The following PTPRO variants were observed in gnomAD, a reference collection of about 807,000 sequenced individuals.
The protein encoded by PTPRO is protein tyrosine phosphatase receptor type O.
PTPRO carries 62 observed loss-of-function variants against 145.2 expected under a neutral mutation model. That is an observed-to-expected ratio of 0.43 (90% CI 0.35 to 0.53). The LOEUF (loss-of-function observed/expected upper bound fraction) is 0.53, where lower values mean the gene tolerates loss of function less well. Among genes scored for constraint, PTPRO ranks in the 20% least tolerant of loss-of-function variants. PTPRO has a pLI of 0.01. For synonymous variants in PTPRO, 565 were observed against 514.7 expected, an observed-to-expected ratio of 1.10 and a Z score of -1.32; for missense variants, 1,345 against 1,482.7, an observed-to-expected ratio of 0.91 and a Z score of 1.53.
chr12:15,348,593 C>G (rs933752249), intron 1 of PTPRO: 2 of 152,078 alleles, frequency 1.3e-5, no homozygotes, highest in Non-Finnish European at 2.9e-5. Flanking sequence ...CCCGTCTCTA[C>G]TAAAAACACA....
At chr12:15,328,342 A>G (rs895281463) in intron 1 of PTPRO, among the ~76,000 whole-genome samples, 2 of 152,192 alleles carry the variant, frequency 1.3e-5, no homozygotes, top group Admixed American at 6.5e-5. Context: ...GTCTTTCAGC[A>G]TCTAATTCCC....
intron 23 of PTPRO, 102 bp downstream of exon 23, chr12:15,581,903 G>GAC (rs1376378155): frequency 6.2e-6 from 9 of 1,449,276 alleles, no homozygotes; most frequent in South Asian, 2.4e-5. Context: ...AGGAATTACA[G>GAC]ACACACACAC....
In PTPRO at chr12:15,395,822, C is replaced by CAG. The variant is rs555271828; in HGVS notation, c.75+73022_75+73023insGA. On this transcript the variant is annotated intron_variant, in intron 1 of 26. Coordinates refer to ENST00000281171, the MANE Select transcript of PTPRO (RefSeq NM_030667.3). ...GACAATTAAAGATCACACACACACA[C>CAG]ACACACACACACACACACTGATGAT... Among the ~76,000 whole-genome samples, 53 of 151,950 alleles carry CAG rather than the reference C, an allele frequency of 3.5e-4. No individual in the cohort carries two copies. The South Asian group carries it at 0.011, about 30-fold the overall frequency.
intron 1 of PTPRO, among the ~76,000 whole-genome samples, chr12:15,481,546 G>A (rs1401759424): frequency 1.3e-5 from 2 of 152,116 alleles, no homozygotes; most frequent in South Asian, 2.1e-4. Context: ...ACAGAAATCT[G>A]CCTAGGATCA....
rs775478150 is a variant in PTPRO, at chr12:15,322,894, G to A, written c.75+93G>A. 6 of 1,313,932 alleles carry A rather than the reference G, an allele frequency of 4.6e-6. No individual in the cohort carries two copies. The highest frequency in any genetic ancestry group is 1.5e-5 in the African/African-American group (1 of 66,028). The allele number at this position is 1,313,932 out of a possible 1,614,324, so 81.4% of individuals were successfully genotyped here. A position where few individuals can be genotyped will look rare whatever the true frequency, so the allele number is the denominator to read the frequency against. The stretch of plus-strand genomic sequence containing the variant: ...CTGCCGTTGGGAGCGGCGCGCCCCA[G>A]GGCACGATGGCCCAGCCGCGGGAAG... On this transcript the variant is annotated intron_variant, in intron 1 of 26. Coordinates refer to ENST00000281171, the MANE Select transcript of PTPRO (RefSeq NM_030667.3). This position sits in a 1 kb window ranked among gnomAD's most constrained non-coding sequence, Gnocchi z 6.3.
intron 1 of PTPRO, among the ~76,000 whole-genome samples, chr12:15,482,096 A>G (rs1941790195): frequency 6.6e-6 from 1 of 152,120 alleles, no homozygotes; most frequent in Non-Finnish European, 1.5e-5. Context: ...GGCAAGATAC[A>G]GAATCAACTT....
chr12:15,553,961 G>A (rs1333777123), intron 15 of PTPRO, among the ~76,000 whole-genome samples: 2 of 152,220 alleles, frequency 1.3e-5, no homozygotes, highest in Admixed American at 6.5e-5. Flanking sequence ...TTGGGAGGCT[G>A]AGCCAGGTGG....
intron 2 of PTPRO, among the ~76,000 whole-genome samples, chr12:15,487,074 G>A (rs181868217): frequency 8.5e-5 from 13 of 152,062 alleles, no homozygotes; most frequent in Admixed American, 7.2e-4. Flanking sequence ...CCTGAACACC[G>A]GCACCACAGA....
At chr12:15,481,610 G>A (rs974158049) in intron 1 of PTPRO, among the ~76,000 whole-genome samples, 1 of 152,168 alleles carries the variant, frequency 6.6e-6, no homozygotes, top group African/African-American at 2.4e-5. Flanking sequence ...AGCTGGAAGT[G>A]CAGCTGGAAA....
At chr12:15,326,087 G>A (rs147756058) in intron 1 of PTPRO, among the ~76,000 whole-genome samples, 95 of 152,118 alleles carry the variant, frequency 6.2e-4, no homozygotes, top group African/African-American at 1.7e-3. Flanking sequence ...TGTTTTCCAC[G>A]GTCTGTCTGC....
intron 1 of PTPRO, among the ~76,000 whole-genome samples, chr12:15,356,586 C>T (rs980987976): frequency 6.6e-6 from 1 of 152,062 alleles, no homozygotes; most frequent in Non-Finnish European, 1.5e-5. Flanking sequence ...GGACATTGTT[C>T]TCTTCTTCTT....
intron 1 of PTPRO, among the ~76,000 whole-genome samples, chr12:15,373,084 C>T (rs1230930321): frequency 1.3e-5 from 2 of 152,108 alleles, no homozygotes; most frequent in Non-Finnish European, 2.9e-5. Context: ...AGTGAAAATA[C>T]ATGGAAAAAT....
chr12:15,563,484 C>T (rs1477088679), intron 17 of PTPRO, among the ~76,000 whole-genome samples: 1 of 151,984 alleles, frequency 6.6e-6, no homozygotes, highest in African/African-American at 2.4e-5. Context: ...TGTCATGTTC[C>T]ACAGCCTTAG....
chr12:15,385,682 T>G (rs141565144), intron 1 of PTPRO, among the ~76,000 whole-genome samples: 2 of 151,814 alleles, frequency 1.3e-5, no homozygotes, highest in Admixed American at 1.3e-4. Context: ...CATGGTGGCA[T>G]GTGCCTGTTG....
At chr12:15,495,582 G>A (rs928316581) in intron 2 of PTPRO, among the ~76,000 whole-genome samples, 2 of 151,514 alleles carry the variant, frequency 1.3e-5, no homozygotes, top group African/African-American at 2.4e-5. Flanking sequence ...ACCTAAAATC[G>A]TCAAAAGGGT....
intron 2 of PTPRO, among the ~76,000 whole-genome samples, chr12:15,492,378 A>G (rs1315004169): frequency 1.3e-5 from 2 of 152,252 alleles, no homozygotes; most frequent in East Asian, 3.9e-4. Context: ...AAATGTAAGA[A>G]CCACCTCCAG....
intron 1 of PTPRO, among the ~76,000 whole-genome samples, chr12:15,431,737 T>C (rs962989799): frequency 3.9e-5 from 6 of 152,190 alleles, no homozygotes; most frequent in Admixed American, 2.0e-4. Context: ...ATATTAATAT[T>C]AGAAAAACTG....
At chr12:15,555,833 T>C (rs1943607294) in intron 15 of PTPRO, among the ~76,000 whole-genome samples, 1 of 152,230 alleles carries the variant, frequency 6.6e-6, no homozygotes, top group Admixed American at 6.5e-5. Flanking sequence ...ACAACTATAT[T>C]GAAATATGAT....
intron 1 of PTPRO, among the ~76,000 whole-genome samples, chr12:15,357,899 G>T (rs1246280574): frequency 1.5e-4 from 23 of 150,010 alleles, no homozygotes; most frequent in South Asian, 4.3e-4. Context: ...TATACCCAAA[G>T]GACTATAAAT....
Sources: allele counts gnomAD v4.1 joint callset (sites outside exome capture counted in the v4.1 genomes callset), GRCh38; gene constraint gnomAD v4.1.1; non-coding constraint Gnocchi (gnomAD v3.1); transcripts MANE v1.5; gene names NCBI Gene and HGNC (gene_info 2026-07-23, HGNC 2026-07-21).